Variants in SV2B observed in about 807,000 individuals in gnomAD.
SV2B encodes the protein synaptic vesicle glycoprotein 2B.
Under a neutral mutation model 73.9 loss-of-function variants are expected in SV2B, and 41 were observed. That is an observed-to-expected ratio of 0.56 (90% CI 0.43 to 0.72). The LOEUF (loss-of-function observed/expected upper bound fraction) is 0.72, where lower values mean the gene tolerates loss of function less well. SV2B is among the 30% of genes least tolerant of loss of function. The pLI is 0.00. For synonymous variants in SV2B, 314 were observed against 314.2 expected (o/e 1.00, Z 0.01); for missense variants, 764 against 857.8 (o/e 0.89, Z 1.37).
Position 91,276,805 on chromosome 15 carries a change from GTTATTATTATTA to G in SV2B, c.1374-4902_1374-4891del, listed in dbSNP as rs3082230. ...TTCCAGTATTTATATTATTGTTGTT[GTTATTATTATTA>G]TTATTATTATTATTATTATTTGAGA... On this transcript the variant is annotated intron_variant, in intron 9 of 12. Transcript: ENST00000394232. Among the ~76,000 whole-genome samples the G allele has an allele frequency of 1.4e-4, 13 of 92,120 alleles. No individual in the cohort carries two copies. The East Asian group carries it at 2.7e-3, about 19-fold the overall frequency. The allele number at this position is 92,120 out of a possible 152,430, so 60.4% of individuals were successfully genotyped here. A position where few individuals can be genotyped will look rare whatever the true frequency, so the allele number is the denominator to read the frequency against.
chr15:91,200,850 G>A (rs949121692), intron 1 of SV2B, among the ~76,000 whole-genome samples: 1 of 152,156 alleles, frequency 6.6e-6, no homozygotes, highest in Admixed American at 6.5e-5. Context: ...GTTCAAGACT[G>A]CAGTGAGCCA....
At chr15:91,162,069 T>A (rs149067514) in intron 1 of SV2B, among the ~76,000 whole-genome samples, 49 of 152,332 alleles carry the variant, frequency 3.2e-4, no homozygotes, top group African/African-American at 1.1e-3. Context: ...AATTACCTTT[T>A]TTTTGGGCAC....
chr15:91,281,195 G>T lies in SV2B; in HGVS notation c.1374-533G>T, dbSNP rs972172591. Among the ~76,000 whole-genome samples, 5 of 152,154 alleles carry T rather than the reference G, an allele frequency of 3.3e-5. No homozygotes were observed. Among genetic ancestry groups the T allele is most frequent in the Admixed American group, 3.3e-4 (5 of 15,278 alleles). On this transcript the variant is annotated intron_variant, in intron 9 of 12. Transcript: ENST00000394232. This position sits in a 1 kb window ranked among gnomAD's most constrained non-coding sequence, Gnocchi z 4.7. ...GGTATTCCTAGGTCAAAGAGAACGT[G>T]CATTTCAAATTTTGCAAAATTGCTC... is the stretch of plus-strand genomic sequence containing the variant.
chr15:91,226,400 A>T lies in SV2B; in HGVS notation c.137A>T (p.Tyr46Phe), dbSNP rs1312565490. Residue 46 changes from tyrosine (Y) to phenylalanine (F), a missense_variant, in exon 2 of 13, where the codon TAT (tyrosine) becomes TTT (phenylalanine). Transcript: ENST00000394232. ...TEGHDEEDEI[Y>F]EGEYQGIPHP... ...GGCCATGATGAGGAAGACGAGATCT[A>T]TGAGGGCGAGTACCAGGGTATCCCT... The T allele has an allele frequency of 3.1e-6, 5 of 1,614,106 alleles. No homozygotes were observed. The highest frequency in any genetic ancestry group is 4.2e-6 in the Non-Finnish European group (5 of 1,180,042).
chr15:91,300,325 A>G lies in SV2B; in HGVS notation c.*7773A>G, dbSNP rs930280151. 6.6e-6 allele frequency: 1 copy of G among 152,176 alleles called. No individual in the cohort carries two copies. The highest frequency in any genetic ancestry group is 1.5e-5 in the Non-Finnish European group (1 of 68,024). 9.4% of individuals were successfully genotyped at this position (152,176 alleles called of 1,614,324 possible). On this transcript the variant is annotated 3_prime_UTR_variant, in exon 13 of 13. Transcript: ENST00000394232. ...TGGAAGTCCCCAACTCTACCAGACC[A>G]AAAGGGTGTCTCTATTTTTTGTTGT... is the stretch of plus-strand genomic sequence containing the variant.
chr15:91,204,040 G>A (rs566941716), intron 1 of SV2B, among the ~76,000 whole-genome samples: 108 of 152,168 alleles, frequency 7.1e-4, no homozygotes, highest in Non-Finnish European at 1.3e-3. Flanking sequence ...CTGGTTGGGT[G>A]GTTTCCAGGC....
intron 5 of SV2B, 41 bp from the exon 6 acceptor site, chr15:91,260,279 C>T: frequency 3.2e-6 from 5 of 1,557,746 alleles, no homozygotes; most frequent in Non-Finnish European, 4.4e-6. Context: ...AAGGCATAGT[C>T]AGCAATGAAT....
Position 91,121,489 on chromosome 15 carries a change from T to C in SV2B, c.-392+21126T>C, listed in dbSNP as rs2042334406. ...ATTTTCCCATAATTCTTGGGTAGAA[T>C]CTTGCTTCTTTTTCTTTCATGTCTA... On this transcript the variant is annotated intron_variant, in intron 1 of 12. Coordinates refer to ENST00000394232, the MANE Select transcript of SV2B (RefSeq NM_001323032.3). This position sits in a 1 kb window ranked among gnomAD's most constrained non-coding sequence, Gnocchi z 4.4. 6.6e-6 allele frequency among the ~76,000 whole-genome samples: 1 copy of C among 152,188 alleles called. No individual in the cohort carries two copies. Among genetic ancestry groups the C allele is most frequent in the Admixed American group, 6.5e-5 (1 of 15,282 alleles).
At chr15:91,157,105 G>C (rs1408144266) in intron 1 of SV2B, among the ~76,000 whole-genome samples, 1 of 152,194 alleles carries the variant, frequency 6.6e-6, no homozygotes, top group Non-Finnish European at 1.5e-5. Flanking sequence ...AGGTTAAAGA[G>C]GGGGAAGCTG....
intron 1 of SV2B, among the ~76,000 whole-genome samples, chr15:91,117,271 A>C (rs1423944754): frequency 2.0e-5 from 3 of 152,238 alleles, no homozygotes; most frequent in Non-Finnish European, 1.5e-5. Flanking sequence ...CCTAACCTGT[A>C]AAACAAGGAT....
At chr15:91,198,945 G>A (rs2045360499) in intron 1 of SV2B, among the ~76,000 whole-genome samples, 2 of 152,136 alleles carry the variant, frequency 1.3e-5, no homozygotes, top group Non-Finnish European at 1.5e-5. Context: ...TTTGAAATTC[G>A]AAACAGCATA....
In SV2B at chr15:91,110,564, C is replaced by T. The variant is rs1245911038; in HGVS notation, c.-392+10201C>T. 1.3e-5 allele frequency among the ~76,000 whole-genome samples: 2 copies of T among 152,178 alleles called. No individual in the cohort carries two copies. The highest frequency in any genetic ancestry group is 2.4e-5 in the African/African-American group (1 of 41,440). On this transcript the variant is annotated intron_variant, in intron 1 of 12. Coordinates refer to ENST00000394232, the MANE Select transcript of SV2B (RefSeq NM_001323032.3). This position sits in a 1 kb window ranked among gnomAD's most constrained non-coding sequence, Gnocchi z 5.4. ...CGCAGAATCTGACCGTGGCCTCTCG[C>T]CTGATCTGGGGTGCAGCAGATGGCG...
chr15:91,268,328 C>T lies in SV2B; in HGVS notation c.1209-113C>T. 9.1e-7 allele frequency: 1 copy of T among 1,097,180 alleles called. No homozygotes were observed. 68.0% of individuals were successfully genotyped at this position (1,097,180 alleles called of 1,614,324 possible). A position where few individuals can be genotyped will look rare whatever the true frequency, so the allele number is the denominator to read the frequency against. On this transcript the variant is annotated intron_variant, in intron 8 of 12. Coordinates refer to ENST00000394232, the MANE Select transcript of SV2B (RefSeq NM_001323032.3). The surrounding 1 kb of genome is among the most constrained non-coding windows in gnomAD (Gnocchi z 4.4). ...TATTGTCAGATTTTCTAATAATGAA[C>T]CAAATTAATGTATTTTCAATGAGTT...
intron 4 of SV2B, among the ~76,000 whole-genome samples, chr15:91,255,305 G>C (rs946925911): frequency 1.4e-4 from 22 of 152,222 alleles, no homozygotes; most frequent in African/African-American, 5.3e-4. Context: ...CGGGCTGACA[G>C]CAGGGCTTGT....
intron 2 of SV2B, among the ~76,000 whole-genome samples, chr15:91,228,746 G>A (rs2046465291): frequency 6.6e-6 from 1 of 152,254 alleles, no homozygotes; most frequent in South Asian, 2.1e-4. Flanking sequence ...CTCCACCCAA[G>A]TGGAGAAGGC....
intron 1 of SV2B, among the ~76,000 whole-genome samples, chr15:91,194,521 G>A (rs891266230): frequency 5.3e-5 from 8 of 152,152 alleles, no homozygotes; most frequent in African/African-American, 1.2e-4. Context: ...TTAGATATAC[G>A]TATGTTTAGA....
At position 91,292,633 on chromosome 15, in the gene SV2B, C is replaced by G; in HGVS notation, c.*81C>G. 2 of 1,495,052 alleles carry G rather than the reference C, an allele frequency of 1.3e-6. No individual in the cohort carries two copies. Among genetic ancestry groups the G allele is most frequent in the Non-Finnish European group, 1.8e-6 (2 of 1,115,672 alleles). The allele number at this position is 1,495,052 out of a possible 1,614,324, so 92.6% of individuals were successfully genotyped here. A position where few individuals can be genotyped will look rare whatever the true frequency, so the allele number is the denominator to read the frequency against. On this transcript the variant is annotated 3_prime_UTR_variant, in exon 13 of 13. Coordinates refer to ENST00000394232, the MANE Select transcript of SV2B (RefSeq NM_001323032.3). ...ATCCACACTTCCTGCCTATCACGGTCCGGAGGACACCTTGGATAGCACGGG... is the reference window on the plus strand; with the variant it reads ...ATCCACACTTCCTGCCTATCACGGTGCGGAGGACACCTTGGATAGCACGGG...
rs555230252 is a variant in SV2B, at chr15:91,226,107, G to A, written c.-157G>A. On this transcript the variant is annotated 5_prime_UTR_variant, in exon 2 of 13. Transcript: ENST00000394232. ...AATCTGGTTGATTTGAGAGATAAAG[G>A]GGGGGGGAACCAGTGTGACTTTCAC... The A allele has an allele frequency of 5.0e-5, 35 of 694,384 alleles. No individual in the cohort carries two copies. The highest frequency in any genetic ancestry group is 9.2e-5 in the Admixed American group (3 of 32,504). 43.0% of individuals were successfully genotyped at this position (694,384 alleles called of 1,614,324 possible).
At position 91,234,109 on chromosome 15, in the gene SV2B, GT is replaced by G. The variant is rs1404586295; in HGVS notation, c.451+7396del. On this transcript the variant is annotated intron_variant, in intron 2 of 12. Transcript: ENST00000394232. The surrounding 1 kb of genome is among the most constrained non-coding windows in gnomAD (Gnocchi z 5.6). ...GGTTGGCTGAAATGTAGACCAAAAT[GT>G]GGCCCATAGTAAATGAAGTCGAAAT... 2.0e-5 allele frequency among the ~76,000 whole-genome samples: 3 copies of G among 152,316 alleles called. No homozygotes were observed. In the East Asian group the frequency reaches 5.8e-4, roughly 29 times the overall value.
Sources: allele counts gnomAD v4.1 joint callset (sites outside exome capture counted in the v4.1 genomes callset), GRCh38; gene constraint gnomAD v4.1.1; non-coding constraint Gnocchi (gnomAD v3.1); transcripts MANE v1.5; gene names NCBI Gene and HGNC (gene_info 2026-07-23, HGNC 2026-07-21).